PHF20: variants seen among roughly 807,000 people sequenced by gnomAD.
PHF20 encodes PHD finger protein 20.
A neutral mutation model predicts 113.5 loss-of-function variants in PHF20; 23 were observed. The ratio of observed to expected loss-of-function variants is 0.20; its 90% CI spans 0.15 to 0.29. PHF20 has a LOEUF of 0.29. Ranked by LOEUF, PHF20 falls within the 10% of genes least tolerant of loss-of-function variation. The pLI, the probability that PHF20 is intolerant of heterozygous loss-of-function variation, is 1.00. For missense variants in PHF20, 943 were observed against 1,219.6 expected, an observed-to-expected ratio of 0.77 and a Z score of 3.38; for synonymous variants, 434 against 457.3, an observed-to-expected ratio of 0.95 and a Z score of 0.65.
At chr20:35,912,090 C>T (rs2055317569) in intron 10 of PHF20, among the ~76,000 whole-genome samples, 1 of 151,716 alleles carries the variant, frequency 6.6e-6, no homozygotes, top group Admixed American at 6.6e-5. Context: ...AAGCGATTCT[C>T]CTGCCTCAGC....
chr20:35,833,982 C>T (rs985840921), intron 2 of PHF20, among the ~76,000 whole-genome samples: 2 of 151,786 alleles, frequency 1.3e-5, no homozygotes, highest in Non-Finnish European at 2.9e-5. Flanking sequence ...TGCTTGAACC[C>T]GGGAGACAGA....
Position 35,793,316 on chromosome 20 carries a change from T to G in PHF20, c.-32-8175T>G, listed in dbSNP as rs1205966119. On this transcript the variant is annotated intron_variant, in intron 1 of 17. Coordinates refer to ENST00000374012, the MANE Select transcript of PHF20 (RefSeq NM_016436.5). ...CTTTCTTTTTCTTTTTTTTTTTTTT[T>G]GAGACAAGAGTCTCGCTCTGTCACC... Among the ~76,000 whole-genome samples the G allele has an allele frequency of 7.3e-5, 11 of 151,250 alleles. No individual in the cohort carries two copies. In the East Asian group the frequency reaches 2.1e-3, roughly 29 times the overall value.
chr20:35,878,602 G>A, intron 9 of PHF20: 1 of 765,704 alleles, frequency 1.3e-6, no homozygotes, highest in Non-Finnish European at 2.4e-6. Flanking sequence ...TATACAAATT[G>A]AAGAGCAGGG....
At chr20:35,774,115 C>T (rs886685756) in intron 1 of PHF20, among the ~76,000 whole-genome samples, 1 of 151,340 alleles carries the variant, frequency 6.6e-6, no homozygotes, top group African/African-American at 2.4e-5. Flanking sequence ...CAGAGTCTCG[C>T]TCTGTCGCCC....
chr20:35,919,649 A>G (rs2147094957), intron 13 of PHF20, among the ~76,000 whole-genome samples: 1 of 151,996 alleles, frequency 6.6e-6, no homozygotes, highest in Non-Finnish European at 1.5e-5. Context: ...TTTTCCTCTC[A>G]TCTTTGAATT....
intron 13 of PHF20, among the ~76,000 whole-genome samples, chr20:35,926,230 A>ATTTTTTTTTTTTTTTTTTTTTTTTTT (rs1186510585): frequency 1.9e-5 from 1 of 52,968 alleles, no homozygotes. Flanking sequence ...ACAGACTTTC[A>ATTTTTTTTTTTTTTTTTTTTTTTTTT]TTTTTTTTTT....
intron 9 of PHF20, among the ~76,000 whole-genome samples, chr20:35,897,687 C>T (rs6119674): frequency 0.011 from 1,680 of 150,428 alleles, 22 homozygotes; most frequent in African/African-American, 0.038. Context: ...CTGTTTCAGC[C>T]TTCTGGGTAG....
At chr20:35,793,995 CAAAAAAAAA>C (rs56189104) in intron 1 of PHF20, among the ~76,000 whole-genome samples, 3 of 33,836 alleles carry the variant, frequency 8.9e-5, no homozygotes, top group Non-Finnish European at 1.6e-4. Context: ...GACTCTGTCT[CAAAAAAAAA>C]AAAAAAAAAA....
chr20:35,931,422 C>A lies in PHF20; in HGVS notation c.2278C>A (p.Gln760Lys). ...AGTGATTGAGGTTCTGCATGGCCTG[C>A]AGCTCAAGATGAGCATCTTGCAGTA... ...QRVIEVLHGL[Q>K]LKMSILQSRE... The change falls in exon 15 of 18, where the codon CAG becomes AAG. Residue 760 changes from glutamine to lysine, a missense_variant. By Grantham distance (53) the Gln-to-Lys change is moderately conservative. Coordinates refer to ENST00000374012, the MANE Select transcript of PHF20 (RefSeq NM_016436.5). 6.2e-7 allele frequency: 1 copy of A among 1,612,582 alleles called. No homozygotes were observed. The highest frequency in any genetic ancestry group is 1.3e-5 in the African/African-American group (1 of 75,022).
chr20:35,922,778 C>T (rs2055543557), intron 13 of PHF20, among the ~76,000 whole-genome samples: 1 of 152,200 alleles, frequency 6.6e-6, no homozygotes, highest in African/African-American at 2.4e-5. Context: ...GTTGCACCTA[C>T]TGGATTCTTC....
chr20:35,870,387 A>T (rs1053043355), intron 7 of PHF20, among the ~76,000 whole-genome samples: 2 of 151,078 alleles, frequency 1.3e-5, no homozygotes, highest in Admixed American at 1.3e-4. Flanking sequence ...AGGCTGAGGC[A>T]GGAGAATTGT....
chr20:35,787,192 TA>T (rs2041438874), intron 1 of PHF20, among the ~76,000 whole-genome samples: 2 of 148,318 alleles, frequency 1.3e-5, no homozygotes, highest in South Asian at 2.2e-4. Context: ...TTTATTTATT[TA>T]TTTCAGACAG....
chr20:35,842,770 G>A (rs754185421), intron 3 of PHF20, 26 bp downstream of exon 3: 9 of 1,605,314 alleles, frequency 5.6e-6, no homozygotes, highest in Non-Finnish European at 6.8e-6. Context: ...GGGAAGTTCT[G>A]TAGTATGCAA....
At chr20:35,773,157 G>C (rs1054471041) in intron 1 of PHF20, among the ~76,000 whole-genome samples, 5 of 152,120 alleles carry the variant, frequency 3.3e-5, no homozygotes, top group Non-Finnish European at 7.3e-5. Context: ...AAATGTACGA[G>C]GTGAACCCCT....
At chr20:35,849,736 G>A (rs2042685770) in intron 4 of PHF20, among the ~76,000 whole-genome samples, 1 of 151,916 alleles carries the variant, frequency 6.6e-6, no homozygotes, top group African/African-American at 2.4e-5. Context: ...ATGGCCCTGC[G>A]AGGAGAAGCT....
At chr20:35,873,831 A>T (rs1210306464) in intron 9 of PHF20, among the ~76,000 whole-genome samples, 1 of 152,186 alleles carries the variant, frequency 6.6e-6, no homozygotes, top group African/African-American at 2.4e-5. Context: ...GGATTATGGT[A>T]TACATCCTTA....
intron 9 of PHF20, among the ~76,000 whole-genome samples, chr20:35,895,437 C>T (rs758134620): frequency 3.9e-5 from 6 of 152,126 alleles, no homozygotes; most frequent in Admixed American, 2.0e-4. Context: ...GAATTATAGT[C>T]GTGAGCCACT....
intron 2 of PHF20, among the ~76,000 whole-genome samples, chr20:35,803,925 G>A (rs2041832977): frequency 6.6e-6 from 1 of 151,794 alleles, no homozygotes; most frequent in East Asian, 1.9e-4. Flanking sequence ...CACAATCATA[G>A]TTCACTGTGG....
intron 15 of PHF20, among the ~76,000 whole-genome samples, chr20:35,938,343 T>C (rs2055906591): frequency 6.6e-6 from 1 of 152,040 alleles, no homozygotes; most frequent in South Asian, 2.1e-4. Context: ...GGCTTAGAAT[T>C]TTATTTTTGG....
Sources: allele counts gnomAD v4.1 joint callset (sites outside exome capture counted in the v4.1 genomes callset), GRCh38; gene constraint gnomAD v4.1.1; transcripts MANE v1.5; gene names NCBI Gene and HGNC (gene_info 2026-07-23, HGNC 2026-07-21).